PFKFB2: variants seen among roughly 807,000 people sequenced by gnomAD.
PFKFB2 encodes 6-phosphofructo-2-kinase/fructose-2,6-bisphosphatase 2.
In PFKFB2, 53 loss-of-function variants were observed where a neutral mutation model predicts 68.0. The ratio of observed to expected loss-of-function variants is 0.78; its 90% CI spans 0.63 to 0.98. The LOEUF is 0.98. PFKFB2 is among the 50% of genes least tolerant of loss of function. PFKFB2 has a pLI of 0.00. For missense variants in PFKFB2, 451 were observed against 642.0 expected, an observed-to-expected ratio of 0.70 and a Z score of 3.22; for synonymous variants, 222 against 227.6, an observed-to-expected ratio of 0.98 and a Z score of 0.22.
At chr1:207,060,793 ACTTTTCTTT>A (rs1683062706) in intron 2 of PFKFB2, 1 of 151,558 alleles carries the variant, frequency 6.6e-6, no homozygotes, top group African/African-American at 2.4e-5. Context: ...TGTCATTGTT[ACTTTTCTTT>A]CTTTCTTTCT....
upstream of PFKFB2, among the ~76,000 whole-genome samples, chr1:207,052,629 G>A (rs1392929783): frequency 1.3e-5 from 2 of 152,104 alleles, no homozygotes; most frequent in Non-Finnish European, 2.9e-5. Flanking sequence ...TCCAGCCTGG[G>A]CAACAAGAGC....
chr1:207,037,590 T>G (rs1308350260), intron 1 of PFKFB2, among the ~76,000 whole-genome samples: 1 of 152,214 alleles, frequency 6.6e-6, no homozygotes, highest in African/African-American at 2.4e-5. Flanking sequence ...CATCTCAAAC[T>G]TAACATGTCT....
intron 2 of PFKFB2, chr1:207,046,080 T>C (rs1170169625): frequency 6.6e-6 from 1 of 152,072 alleles, no homozygotes; most frequent in Non-Finnish European, 1.5e-5. Flanking sequence ...TGAATCTTCA[T>C]AGTACTACAC....
chr1:207,058,726 T>A (rs147267978), intron 2 of PFKFB2, among the ~76,000 whole-genome samples: 39 of 152,224 alleles, frequency 2.6e-4, no homozygotes, highest in African/African-American at 7.9e-4. Flanking sequence ...AACTCCTGGG[T>A]TCAGGCGATC....
chr1:207,063,334 A>G lies in PFKFB2; in HGVS notation c.376-13A>G, dbSNP rs756060982. On this transcript the variant is annotated splice_polypyrimidine_tract_variant and intron_variant, in intron 5 of 14. Transcript: ENST00000367080. This position sits in a 1 kb window ranked among gnomAD's most constrained non-coding sequence, Gnocchi z 4.1. ...CTGTTCCTGCTCATTTACCTTGTGT[A>G]CTTTCTTCACAGGTGTTTGATGCCA... The G allele has an allele frequency of 1.9e-6, 3 of 1,608,894 alleles. No homozygotes were observed. Among genetic ancestry groups the G allele is most frequent in the Non-Finnish European group, 8.5e-7 (1 of 1,175,300 alleles).
chr1:207,052,154 G>A (rs552727347), upstream of PFKFB2: 1 of 1,608,032 alleles, frequency 6.2e-7, no homozygotes, highest in African/African-American at 1.3e-5. Context: ...GGGCAACTAT[G>A]AAAAGTGTAG....
upstream of PFKFB2, among the ~76,000 whole-genome samples, chr1:207,049,989 A>G (rs1682697233): frequency 6.6e-6 from 1 of 152,236 alleles, no homozygotes; most frequent in Non-Finnish European, 1.5e-5. Context: ...TTACCTAAAA[A>G]GATACATTTC....
chr1:207,071,808 A>G (rs762416204), intron 14 of PFKFB2, among the ~76,000 whole-genome samples: 1 of 152,084 alleles, frequency 6.6e-6, no homozygotes, highest in Non-Finnish European at 1.5e-5. Flanking sequence ...CCAATTAAAT[A>G]TGGAAAGTGT....
rs566960334 is a variant in PFKFB2, at chr1:207,054,446, G to A, written c.-17-255G>A. Reference sequence around the variant, plus strand: ...TGCCTAATTACAAGATTATTGTTAGGACTGAAGAAGATAACGTCTGTAAAT... The same window carrying A: ...TGCCTAATTACAAGATTATTGTTAGAACTGAAGAAGATAACGTCTGTAAAT... On this transcript the variant is annotated intron_variant, in intron 1 of 14. Coordinates refer to ENST00000367080, the MANE Select transcript of PFKFB2 (RefSeq NM_006212.2). 6.4e-4 allele frequency among the ~76,000 whole-genome samples: 98 copies of A among 152,264 alleles called. 1 individual carries two copies. Among genetic ancestry groups the A allele is most frequent in the African/African-American group, 1.5e-3 (62 of 41,556 alleles).
In PFKFB2 at chr1:207,072,883, T is replaced by C. The variant is rs1234668464; in HGVS notation, c.*512T>C. The C allele has an allele frequency of 2.0e-6, 2 of 988,008 alleles. No homozygotes were observed. Among genetic ancestry groups the C allele is most frequent in the Non-Finnish European group, 2.4e-6 (2 of 831,838 alleles). The allele number at this position is 988,008 out of a possible 1,614,324, so 61.2% of individuals were successfully genotyped here. Reference sequence around the variant, plus strand: ...CCCCACTTTCATGTCCCCTCTGGATTGTCCAGTGTAATGCATGGCATTGTG... The same window carrying C: ...CCCCACTTTCATGTCCCCTCTGGATCGTCCAGTGTAATGCATGGCATTGTG... On this transcript the variant is annotated 3_prime_UTR_variant, in exon 15 of 15. Transcript: ENST00000367080.
At chr1:207,078,985 G>A (rs145911185), downstream of PFKFB2, 586 of 1,612,194 alleles carry the variant, frequency 3.6e-4, 8 homozygotes, top group Middle Eastern at 3.5e-3. Context: ...GTGCGCAGAC[G>A]CCCCTCCGCA....
Position 207,067,499 on chromosome 1 carries a change from G to C in PFKFB2, c.633G>C (p.Lys211Asn). Residue 211 changes from lysine (K) to asparagine (N), a missense_variant and splice_region_variant, in exon 9 of 15, where the codon AAG (lysine) becomes AAC (asparagine). Transcript: ENST00000367080. ...TTTTTTTTTTCCTTTCCTGTCCCAG[G>C]GATCTTTCTTTCATCAAGGTGATAA... ...YRPLDPDNYDKDLSFIKVINV... is the reference protein window; with the variant it reads ...YRPLDPDNYDNDLSFIKVINV... 2.5e-6 allele frequency: 4 copies of C among 1,610,352 alleles called. No homozygotes were observed. Among genetic ancestry groups the C allele is most frequent in the Non-Finnish European group, 3.4e-6 (4 of 1,177,566 alleles).
chr1:207,075,851 G>A lies in PFKFB2; in HGVS notation c.*3480G>A. ...GACAGATTTGAAAGAGAATTCTAAA[G>A]CAGATTTAGAGAACCTGCTTCTCTT... On this transcript the variant is annotated 3_prime_UTR_variant, in exon 15 of 15. Coordinates refer to ENST00000367080, the MANE Select transcript of PFKFB2 (RefSeq NM_006212.2). 1.0e-6 allele frequency: 1 copy of A among 983,654 alleles called. No homozygotes were observed. The highest frequency in any genetic ancestry group is 1.2e-6 in the Non-Finnish European group (1 of 828,270). 60.9% of individuals were successfully genotyped at this position (983,654 alleles called of 1,614,324 possible).
Position 207,072,106 on chromosome 1 carries a change from T to A in PFKFB2, c.1351-98T>A, listed in dbSNP as rs1157062914. 10 of 1,535,444 alleles carry A rather than the reference T, an allele frequency of 6.5e-6. No individual in the cohort carries two copies. The African/African-American group carries it at 1.1e-4, about 17-fold the overall frequency. On this transcript the variant is annotated intron_variant, in intron 14 of 14. Coordinates refer to ENST00000367080, the MANE Select transcript of PFKFB2 (RefSeq NM_006212.2). ...GACCCTGTGTGCAGAGGAGCAGGAGTGAGGGAAGCTGTTGTGGTTACAAGC... is the reference window on the plus strand; with the variant it reads ...GACCCTGTGTGCAGAGGAGCAGGAGAGAGGGAAGCTGTTGTGGTTACAAGC...
chr1:207,064,463 G>T (rs895328569), intron 7 of PFKFB2, among the ~76,000 whole-genome samples: 1 of 152,090 alleles, frequency 6.6e-6, no homozygotes, highest in African/African-American at 2.4e-5. Context: ...TTACCTACAG[G>T]AAGGTTATCT....
chr1:207,037,345 T>G (rs1029235288), intron 1 of PFKFB2, among the ~76,000 whole-genome samples: 4 of 152,228 alleles, frequency 2.6e-5, no homozygotes, highest in African/African-American at 9.6e-5. Context: ...TTCAACTAAC[T>G]TTTAAATGCT....
At chr1:207,071,671 G>T in intron 14 of PFKFB2, 98 bp downstream of exon 14, 1 of 837,526 alleles carries the variant, frequency 1.2e-6, no homozygotes, top group Non-Finnish European at 2.0e-6. Context: ...ATGTACAAAA[G>T]GGAAACAGAT....
chr1:207,079,027 G>A (rs1325546045), downstream of PFKFB2: 3 of 1,607,502 alleles, frequency 1.9e-6, no homozygotes, highest in Non-Finnish European at 1.7e-6. Context: ...TAATGATGTG[G>A]ATGTTCAGGC....
At position 207,062,636 on chromosome 1, in the gene PFKFB2, G is replaced by A. The variant is rs1449166804; in HGVS notation, c.228G>A (p.Val76=). The stretch of plus-strand genomic sequence containing the variant: ...CTTCTACAGTGTTTAATCTTGGGGT[G>A]TATCGGCGTGAAGCAGTCAAGTCCT... The part of the protein sequence containing the change: ...GVPTKVFNLG[V]YRREAVKSYK... Residue 76 remains valine (V), a synonymous_variant, in exon 4 of 15, where the codon GTG becomes GTA. Coordinates refer to ENST00000367080, the MANE Select transcript of PFKFB2 (RefSeq NM_006212.2). 1.2e-6 allele frequency: 2 copies of A among 1,614,086 alleles called. No individual in the cohort carries two copies. The highest frequency in any genetic ancestry group is 1.7e-6 in the Non-Finnish European group (2 of 1,179,940).
Sources: gnomAD v4.1 joint callset for allele counts (sites outside exome capture counted in the v4.1 genomes callset) on GRCh38, gnomAD v4.1.1 for gene constraint, Gnocchi (gnomAD v3.1) non-coding constraint, MANE v1.5 for transcripts, NCBI Gene and HGNC (gene_info 2026-07-23, HGNC 2026-07-21) for gene names.